SFTPD: variants seen among roughly 807,000 people sequenced by gnomAD.
The protein encoded by SFTPD is surfactant protein D, also known as pulmonary surfactant-associated protein D.
Under a neutral mutation model 34.6 loss-of-function variants are expected in SFTPD, and 18 were observed. That is an observed-to-expected ratio of 0.52 (90% CI 0.36 to 0.77). The LOEUF (loss-of-function observed/expected upper bound fraction) is 0.77. Among genes scored for constraint, SFTPD ranks in the 30% least tolerant of loss-of-function variants. The pLI, the probability that SFTPD is intolerant of heterozygous loss-of-function variation, is 0.00. For missense variants in SFTPD, 433 were observed against 468.9 expected, an observed-to-expected ratio of 0.92 and a Z score of 0.71; for synonymous variants, 155 against 180.9, an observed-to-expected ratio of 0.86 and a Z score of 1.15.
Position 79,943,078 on chromosome 10 carries a change from T to C in SFTPD, c.200-199A>G, listed in dbSNP as rs10887199. ...TAGATGAGGAAGAAGCCTTCCAGAG[T>C]TGGAGGCGGATTAAAGCCAAGACCT... On this transcript the variant is annotated intron_variant, in intron 2 of 7. Transcript: ENST00000372292. Among the ~76,000 whole-genome samples, 27,658 of 151,880 alleles carry C rather than the reference T, an allele frequency of 0.18. 3,227 individuals are homozygous for C. Among genetic ancestry groups the C allele is most frequent in the East Asian group, 0.41 (2,098 of 5,126 alleles).
At chr10:79,974,365 T>C (rs887560419) in intron 1 of SFTPD, among the ~76,000 whole-genome samples, 1 of 151,582 alleles carries the variant, frequency 6.6e-6, no homozygotes, top group Non-Finnish European at 1.5e-5. Context: ...AGAGACGGGG[T>C]TTCTCGATCT....
chr10:79,958,386 G>A (rs1272631430), intron 1 of SFTPD, among the ~76,000 whole-genome samples: 2 of 152,176 alleles, frequency 1.3e-5, no homozygotes, highest in African/African-American at 4.8e-5. Context: ...ACCCATCAGT[G>A]TGCTGTATTC....
intron 1 of SFTPD, among the ~76,000 whole-genome samples, chr10:79,964,626 C>T (rs900466225): frequency 2.0e-5 from 3 of 152,180 alleles, no homozygotes; most frequent in African/African-American, 7.2e-5. Flanking sequence ...GCTAGCCCGC[C>T]TCTTAGAACC....
chr10:79,958,388 G>T (rs529700304), intron 1 of SFTPD, among the ~76,000 whole-genome samples: 5 of 152,300 alleles, frequency 3.3e-5, no homozygotes, highest in African/African-American at 7.2e-5. Context: ...CCATCAGTGT[G>T]CTGTATTCAG....
chr10:79,972,501 A>ACACACACATAGAC (rs1564535638), intron 1 of SFTPD: 69 of 113,430 alleles, frequency 6.1e-4, no homozygotes, highest in African/African-American at 2.5e-3. Context: ...TCTGTCTCAA[A>ACACACACATAGAC]ACACACACAC....
chr10:79,941,959 G>A lies in SFTPD; in HGVS notation c.545C>T (p.Ala182Val). Residue 182 changes from alanine (A) to valine (V), a missense_variant, in exon 5 of 8, where the codon GCA becomes GTA. Physicochemically the swap from Ala to Val is moderately conservative, Grantham distance 64. Transcript: ENST00000372292. The part of the protein sequence containing the change: ...GERGVPGNTG[A>V]AGSAGAMGPQ... ...CAGCTCTTTCCACTGCTCACCTGCT[G>A]CCCCTGTGTTTCCAGGGACTCCACG... The A allele has an allele frequency of 6.2e-7, 1 of 1,604,144 alleles. No individual in the cohort carries two copies. Among genetic ancestry groups the A allele is most frequent in the Non-Finnish European group, 8.5e-7 (1 of 1,171,346 alleles).
intron 6 of SFTPD, 91 bp downstream of exon 6, chr10:79,941,307 C>A: frequency 8.9e-7 from 1 of 1,121,220 alleles, no homozygotes; most frequent in Non-Finnish European, 1.3e-6. Flanking sequence ...GGGCACACAT[C>A]CCAGAGCCCC....
rs527428905 is a variant in SFTPD at position 79,947,055 on chromosome 10, A to G, written c.-3-393T>C. 7.9e-5 allele frequency among the ~76,000 whole-genome samples: 12 copies of G among 152,304 alleles called. No individual in the cohort carries two copies. The South Asian group carries it at 2.5e-3, about 32-fold the overall frequency. ...GCAGGACACCCCCCGCCCACTCCCT[A>G]GACCATCTCCCTGTCTGTACCACTG... On this transcript the variant is annotated intron_variant, in intron 1 of 7. Transcript: ENST00000372292.
At chr10:79,954,914 T>G (rs1350857348) in intron 1 of SFTPD, among the ~76,000 whole-genome samples, 1 of 152,174 alleles carries the variant, frequency 6.6e-6, no homozygotes, top group Admixed American at 6.5e-5. Context: ...AGCACTCCCA[T>G]TATCTCAAGT....
intron 1 of SFTPD, chr10:79,971,120 C>T (rs1201938224): frequency 6.6e-6 from 1 of 152,028 alleles, no homozygotes; most frequent in Non-Finnish European, 1.5e-5. Context: ...TCTATTGAGA[C>T]TGTCATTTTC....
At chr10:79,955,866 G>T (rs1289688928) in intron 1 of SFTPD, among the ~76,000 whole-genome samples, 1 of 152,172 alleles carries the variant, frequency 6.6e-6, no homozygotes, top group African/African-American at 2.4e-5. Flanking sequence ...CATCTCTACT[G>T]CATCCTGACT....
chr10:79,960,115 C>T (rs1336510626), intron 1 of SFTPD, among the ~76,000 whole-genome samples: 1 of 151,978 alleles, frequency 6.6e-6, no homozygotes, highest in Non-Finnish European at 1.5e-5. Flanking sequence ...TAAAAACTCT[C>T]AATAAATTTG....
chr10:79,939,285 C>G (rs1038123047), intron 7 of SFTPD, among the ~76,000 whole-genome samples: 4 of 152,186 alleles, frequency 2.6e-5, no homozygotes, highest in Non-Finnish European at 5.9e-5. Flanking sequence ...AAGGCTGTGC[C>G]CCTGGCTTTG....
rs1360622685 is a variant in SFTPD, at chr10:79,966,561, T to C, written c.36+16014A>G. On this transcript the variant is annotated intron_variant, in intron 1 of 5. Coordinates refer to the SFTPD transcript ENST00000444384. ...CTGTTCACTCTGATGGTAGTTTCTT[T>C]TGCCGTGCAGAAGCTCTTTAGTTTA... Among the ~76,000 whole-genome samples the C allele has an allele frequency of 1.0e-4, 15 of 144,934 alleles. 3 individuals are homozygous for C. Among genetic ancestry groups the C allele is most frequent in the Non-Finnish European group, 1.8e-4 (12 of 67,308 alleles).
intron 2 of SFTPD, among the ~76,000 whole-genome samples, chr10:79,945,372 C>T (rs1292577156): frequency 1.3e-5 from 2 of 152,188 alleles, no homozygotes; most frequent in African/African-American, 4.8e-5. Context: ...CACTTTCTGT[C>T]TGTAAGGGAT....
intron 1 of SFTPD, chr10:79,970,479 G>A (rs536387093): frequency 6.6e-6 from 1 of 152,068 alleles, no homozygotes; most frequent in South Asian, 2.1e-4. Context: ...CATTTTAACG[G>A]TATTAATTTT....
Position 79,941,452 on chromosome 10 carries a change from C to G in SFTPD, c.613G>C (p.Gly205Arg), listed in dbSNP as rs1163423500. Residue 205 changes from glycine (G) to arginine (R), a missense_variant, in exon 6 of 8, where the codon GGG (glycine) becomes CGG (arginine). Coordinates refer to ENST00000372292, the MANE Select transcript of SFTPD (RefSeq NM_003019.5). ...PGARGPPGLK[G>R]DKGIPGDKGA... is the part of the protein sequence containing the mutation. ...TTGTCTCCAGGAATGCCTTTGTCCC[C>G]CTTCAATCCCGGGGGTCCCCTGGCA... The G allele has an allele frequency of 1.2e-6, 2 of 1,613,730 alleles. No homozygotes were observed. Among genetic ancestry groups the G allele is most frequent in the Non-Finnish European group, 1.7e-6 (2 of 1,179,752 alleles).
intron 1 of SFTPD, among the ~76,000 whole-genome samples, chr10:79,973,442 A>AC (rs756493224): frequency 6.6e-6 from 1 of 151,444 alleles, no homozygotes; most frequent in Non-Finnish European, 1.5e-5. Flanking sequence ...ACATGGTGAA[A>AC]CCCCATCTCT....
chr10:79,979,724 A>G (rs1338355653), intron 1 of SFTPD, among the ~76,000 whole-genome samples: 7 of 152,188 alleles, frequency 4.6e-5, no homozygotes, highest in Admixed American at 3.3e-4. Flanking sequence ...AGACACAAGG[A>G]CTGAAATTCC....
Sources: allele counts gnomAD v4.1 joint callset (sites outside exome capture counted in the v4.1 genomes callset), GRCh38; gene constraint gnomAD v4.1.1; transcripts MANE v1.5; gene names NCBI Gene and HGNC (gene_info 2026-07-23, HGNC 2026-07-21).